The following KRT75 variants were observed in gnomAD, a reference collection of about 807,000 sequenced individuals.
KRT75 encodes keratin, type II cytoskeletal 75.
Under a neutral mutation model 48.8 loss-of-function variants are expected in KRT75, and 35 were observed. The observed-to-expected ratio is 0.72, with a 90% CI of 0.55 to 0.95. The LOEUF is 0.95. Among genes scored for constraint, KRT75 ranks in the 40% least tolerant of loss-of-function variants. The pLI, the probability that KRT75 is intolerant of heterozygous loss-of-function variation, is 0.00. For missense variants in KRT75, 776 were observed against 709.9 expected, an observed-to-expected ratio of 1.09 and a Z score of -1.06; for synonymous variants, 301 against 282.3, an observed-to-expected ratio of 1.07 and a Z score of -0.66.
At chr12:52,431,138 G>A (rs932294491) in intron 4 of KRT75, among the ~76,000 whole-genome samples, 1 of 151,504 alleles carries the variant, frequency 6.6e-6, no homozygotes, top group East Asian at 1.9e-4. Flanking sequence ...CGCCCAGAAT[G>A]AGGCATCTTC....
intron 7 of KRT75, 103 bp from the exon 8 acceptor site, chr12:52,426,954 A>G: frequency 1.0e-6 from 1 of 975,722 alleles, no homozygotes. Flanking sequence ...ATTTAAACAT[A>G]CTTTATTATT....
intron 8 of KRT75, among the ~76,000 whole-genome samples, chr12:52,425,993 G>T (rs1311132682): frequency 1.3e-5 from 2 of 152,194 alleles, no homozygotes; most frequent in African/African-American, 4.8e-5. Context: ...GGCACCACTA[G>T]ACAAAGACAT....
chr12:52,434,033 C>G lies in KRT75; in HGVS notation c.272G>C (p.Arg91Thr). The G allele has an allele frequency of 6.2e-7, 1 of 1,614,094 alleles. No homozygotes were observed. Among genetic ancestry groups the G allele is most frequent in the Non-Finnish European group, 8.5e-7 (1 of 1,180,000 alleles). ...RSGFGGRASNRFGVNSGFGYG... is the reference protein window; with the variant it reads ...RSGFGGRASNTFGVNSGFGYG... Reference sequence around the variant, plus strand: ...GCCAAATCCACTGTTGACTCCAAACCTGTTGCTGGCCCTGCCACCAAAGCC... The same window carrying G: ...GCCAAATCCACTGTTGACTCCAAACGTGTTGCTGGCCCTGCCACCAAAGCC... The change falls in exon 1 of 9, where the codon AGG becomes ACG. Residue 91 changes from arginine to threonine, a missense_variant. By Grantham distance (71) the Arg-to-Thr change is moderately conservative. Transcript: ENST00000252245.
In KRT75 at chr12:52,433,022, C is replaced by G; in HGVS notation, c.713+16G>C. The G allele has an allele frequency of 4.3e-6, 7 of 1,613,130 alleles. No homozygotes were observed. Among genetic ancestry groups the G allele is most frequent in the Non-Finnish European group, 5.9e-6 (7 of 1,179,296 alleles). ...TCAGATGGCTGTGTGTGGCCAGAAG[C>G]CAGTCTCCCACTTACCTGACTTTGA... On this transcript the variant is annotated intron_variant, in intron 2 of 8. Transcript: ENST00000252245.
At chr12:52,425,713 G>A (rs1443470469) in intron 8 of KRT75, among the ~76,000 whole-genome samples, 4 of 152,222 alleles carry the variant, frequency 2.6e-5, no homozygotes, top group African/African-American at 9.6e-5. Context: ...TATCTGGTTT[G>A]GAGAGGGGAT....
At chr12:52,426,512 C>T (rs1300829243) in intron 8 of KRT75, among the ~76,000 whole-genome samples, 1 of 152,164 alleles carries the variant, frequency 6.6e-6, no homozygotes, top group African/African-American at 2.4e-5. Flanking sequence ...AACAAAAAGG[C>T]AGGGAATTCT....
In KRT75 at chr12:52,431,200, T is replaced by A. The variant is rs1015353254; in HGVS notation, c.870+343A>T. Among the ~76,000 whole-genome samples, 41 of 152,226 alleles carry A rather than the reference T, an allele frequency of 2.7e-4. 1 individual carries two copies. Among genetic ancestry groups the A allele is most frequent in the African/African-American group, 8.9e-4 (37 of 41,528 alleles). On this transcript the variant is annotated intron_variant, in intron 4 of 8. Coordinates refer to ENST00000252245, the MANE Select transcript of KRT75 (RefSeq NM_004693.3). ...GAGCTGAGGGACAGCTTGCCTTTTT[T>A]TTTTTTTAATACTTTTCAGGGAAGG...
At position 52,430,533 on chromosome 12, in the gene KRT75, A is replaced by T. The variant is rs747132849; in HGVS notation, c.1035+8T>A. On this transcript the variant is annotated splice_region_variant and intron_variant, in intron 5 of 8. Transcript: ENST00000252245. ...CCTGGAACCTCTCATGGAGGTGTCC[A>T]TGCTCACCTTGGTCTGGTACCAGGA... 1 of 1,614,000 alleles carries T rather than the reference A, an allele frequency of 6.2e-7. No individual in the cohort carries two copies. Among genetic ancestry groups the T allele is most frequent in the Non-Finnish European group, 8.5e-7 (1 of 1,179,892 alleles).
chr12:52,427,413 C>T (rs1191104367), intron 7 of KRT75, among the ~76,000 whole-genome samples: 3 of 152,244 alleles, frequency 2.0e-5, no homozygotes, highest in Non-Finnish European at 4.4e-5. Context: ...CTGTTGATTA[C>T]CTGTTACTTA....
rs1369124263 is a variant in KRT75 at position 52,433,918 on chromosome 12, ACT to A, written c.385_386del (p.Leu130ProfsTer29). The A allele has an allele frequency of 1.9e-6, 3 of 1,613,972 alleles. No homozygotes were observed. The highest frequency in any genetic ancestry group is 2.5e-6 in the Non-Finnish European group (3 of 1,179,986). ...GGIQEVTVNQSLLTPLHLQID... is the reference protein window; with the variant it reads ...GGIQEVTVNQXLLTPLHLQID... ...TTTGCAGGTGAAGAGGAGTCAGGAG[ACT>A]CTGGTTGACAGTGACCTCTTGGATG... On this transcript the variant is annotated frameshift_variant, in exon 1 of 9. Coordinates refer to ENST00000252245, the MANE Select transcript of KRT75 (RefSeq NM_004693.3). LOFTEE classifies it high-confidence loss of function.
In KRT75 at chr12:52,434,345, C is replaced by A; in HGVS notation, c.-41G>T. 1.3e-6 allele frequency: 2 copies of A among 1,559,270 alleles called. No homozygotes were observed. Among genetic ancestry groups the A allele is most frequent in the South Asian group, 1.2e-5 (1 of 83,444 alleles). ...CCGGCGAGAAGGCACCTGAGGTGGG[C>A]TGGTACAGGCAGTGGAGAAGACAGG... is the stretch of plus-strand genomic sequence containing the variant. On this transcript the variant is annotated 5_prime_UTR_variant, in exon 1 of 9. Coordinates refer to ENST00000252245, the MANE Select transcript of KRT75 (RefSeq NM_004693.3).
intron 8 of KRT75, among the ~76,000 whole-genome samples, chr12:52,426,411 A>G (rs1238567362): frequency 6.6e-6 from 1 of 152,244 alleles, no homozygotes; most frequent in Non-Finnish European, 1.5e-5. Flanking sequence ...CCACAGCATG[A>G]AGGCTCCCTT....
Position 52,430,688 on chromosome 12 carries a change from C to G in KRT75, c.888G>C (p.Gln296His), listed in dbSNP as rs1454143500. 1.2e-5 allele frequency: 20 copies of G among 1,614,096 alleles called. No individual in the cohort carries two copies. The highest frequency in any genetic ancestry group is 1.7e-5 in the Non-Finnish European group (20 of 1,180,034). The change falls in exon 5 of 9, where the codon CAG becomes CAC. Residue 296 changes from glutamine to histidine, a missense_variant. Transcript: ENST00000252245. Reference sequence around the variant, plus strand: ...CCACGGATGTGTCACCGACCTGGGTCTGCAACTGGGACAGCTCCTGCAGGG... The same window carrying G: ...CCACGGATGTGTCACCGACCTGGGTGTGCAACTGGGACAGCTCCTGCAGGG... ...SVFDAELSQL[Q>H]TQVGDTSVVL...
Position 52,431,578 on chromosome 12 carries a change from C to G in KRT75, c.835G>C (p.Glu279Gln). ...ELEAKVKSLP[E>Q]EINFIHSVFD... ...ACTGAGTGGATGAAGTTGATCTCCTCGGGCAGAGATTTGACCTTGGCTTCC... is the reference window on the plus strand; with the variant it reads ...ACTGAGTGGATGAAGTTGATCTCCTGGGGCAGAGATTTGACCTTGGCTTCC... Residue 279 changes from glutamate (E) to glutamine (Q), a missense_variant, in exon 4 of 9, where the codon GAG becomes CAG. Coordinates refer to ENST00000252245, the MANE Select transcript of KRT75 (RefSeq NM_004693.3). The G allele has an allele frequency of 6.2e-7, 1 of 1,613,942 alleles. No individual in the cohort carries two copies. The highest frequency in any genetic ancestry group is 1.1e-5 in the South Asian group (1 of 91,076).
At position 52,433,061 on chromosome 12, in the gene KRT75, A is replaced by G. The variant is rs146620205; in HGVS notation, c.690T>C (p.Asp230=). ...RLEAELRNMQ[D]VVEDFKVRYE... ...ACCTGACTTTGAAATCTTCCACAAC[A>G]TCCTGCATGTTCCTCAGTTCAGCTT... The change falls in exon 2 of 9, where the codon GAT becomes GAC. Residue 230 remains aspartate (D), a synonymous_variant. Transcript: ENST00000252245. The G allele has an allele frequency of 6.2e-7, 1 of 1,611,644 alleles. No individual in the cohort carries two copies. The highest frequency in any genetic ancestry group is 1.4e-5 in the African/African-American group (1 of 73,976).
chr12:52,425,126 G>A (rs1051322611), intron 8 of KRT75, among the ~76,000 whole-genome samples: 3 of 152,070 alleles, frequency 2.0e-5, no homozygotes, highest in African/African-American at 7.2e-5. Context: ...GGGGGGAGGG[G>A]CACACTCCTC....
intron 3 of KRT75, 141 bp downstream of exon 3, chr12:52,431,865 A>G: frequency 1.2e-6 from 1 of 857,810 alleles, no homozygotes; most frequent in South Asian, 1.4e-5. Flanking sequence ...TAGAGGGAAC[A>G]TGTTGGGAGG....
Position 52,431,598 on chromosome 12 carries a change from G to A in KRT75, c.815C>T (p.Ala272Val). The A allele has an allele frequency of 6.2e-7, 1 of 1,614,040 alleles. No homozygotes were observed. The highest frequency in any genetic ancestry group is 1.1e-5 in the South Asian group (1 of 91,078). ...AAYMNKVELE[A>V]KVKSLPEEIN... The stretch of plus-strand genomic sequence containing the variant: ...CTCCTCGGGCAGAGATTTGACCTTG[G>A]CTTCCAGCTCCACCTTGTTCATATA... Residue 272 changes from alanine to valine, a missense_variant, in exon 4 of 9, where the codon GCC becomes GTC. Physicochemically the swap from Ala to Val is moderately conservative, Grantham distance 64. Transcript: ENST00000252245.
intron 1 of KRT75, 122 bp downstream of exon 1, chr12:52,433,685 G>A (rs563542271): frequency 6.7e-5 from 99 of 1,475,772 alleles, no homozygotes; most frequent in South Asian, 2.1e-4. Context: ...CTGGGAGCCC[G>A]TGCTGAACAG....
Sources: allele counts gnomAD v4.1 joint callset (sites outside exome capture counted in the v4.1 genomes callset), GRCh38; gene constraint gnomAD v4.1.1; transcripts MANE v1.5; gene names NCBI Gene and HGNC (gene_info 2026-07-23, HGNC 2026-07-21).